Variants in CA5B observed in about 807,000 individuals in gnomAD.
CA5B encodes carbonic anhydrase 5B, also known as carbonic anhydrase 5B, mitochondrial.
CA5B carries 15 observed loss-of-function variants against 23.1 expected under a neutral mutation model. The observed-to-expected ratio is 0.65, with a 90% CI of 0.43 to 1.00. The LOEUF (loss-of-function observed/expected upper bound fraction) is 1.00, where lower values mean the gene tolerates loss of function less well. Among genes scored for constraint, CA5B ranks in the 50% least tolerant of loss-of-function variants. The pLI is 0.00. For missense variants in CA5B, 236 were observed against 252.2 expected, an observed-to-expected ratio of 0.94 and a Z score of 0.43; for synonymous variants, 84 against 98.5, an observed-to-expected ratio of 0.85 and a Z score of 0.87.
chrX:15,777,616 T>C lies in CA5B; in HGVS notation c.774+747T>C, dbSNP rs777109758. On this transcript the variant is annotated intron_variant, in intron 7 of 7. Transcript: ENST00000318636. The stretch of plus-strand genomic sequence containing the variant: ...ATCCAGCAGTACATCAGAAGAAATA[T>C]ACACTTTGTCCAAGTAGCTTTTACT... Among the ~76,000 whole-genome samples, 13 of 112,081 alleles carry C rather than the reference T, an allele frequency of 1.2e-4. No homozygotes were observed. In the South Asian group the frequency reaches 1.8e-3, roughly 16 times the overall value.
intron 3 of CA5B, 38 bp downstream of exon 3, chrX:15,764,813 G>A: frequency 1.1e-6 from 1 of 885,308 alleles, no homozygotes; most frequent in East Asian, 3.4e-5. Flanking sequence ...AGGAGTTAAA[G>A]AAACAGTGTC....
At chrX:15,745,269 G>A (rs779882872) in intron 1 of CA5B, among the ~76,000 whole-genome samples, 3 of 110,970 alleles carry the variant, frequency 2.7e-5, no homozygotes, top group Non-Finnish European at 3.8e-5. Context: ...AATACCGTAC[G>A]ATCCCACTTA....
intron 1 of CA5B, among the ~76,000 whole-genome samples, chrX:15,743,355 T>A (rs1931160560): frequency 8.9e-6 from 1 of 112,441 alleles, no homozygotes; most frequent in Non-Finnish European, 1.9e-5. Context: ...CACTTTTTAC[T>A]AGACATATTC....
intron 2 of CA5B, among the ~76,000 whole-genome samples, chrX:15,754,204 A>G (rs1931445172): frequency 8.9e-6 from 1 of 111,983 alleles, no homozygotes; most frequent in African/African-American, 3.2e-5. Context: ...GGATCCATTC[A>G]GTCCGTTGGG....
chrX:15,763,927 G>A (rs1931652827), intron 2 of CA5B, among the ~76,000 whole-genome samples: 1 of 112,087 alleles, frequency 8.9e-6, no homozygotes, highest in East Asian at 2.8e-4. Context: ...GAGCAGAAGA[G>A]TGTATCCAAG....
At position 15,751,796 on chromosome X, in the gene CA5B, A is replaced by G. The variant is rs189525888; in HGVS notation, c.142+1631A>G. On this transcript the variant is annotated intron_variant, in intron 2 of 7. Transcript: ENST00000318636. ...CCAACCTGTTTGCCCCAAGAATAAT[A>G]TTGTGGTCTTTGCTGCTCTGGGCCT... Among the ~76,000 whole-genome samples, 485 of 110,842 alleles carry G rather than the reference A, an allele frequency of 4.4e-3. 2 individuals carry two copies. Among genetic ancestry groups the G allele is most frequent in the African/African-American group, 0.016 (476 of 30,452 alleles).
Position 15,783,002 on chromosome X carries a change from T to C in CA5B, c.*338T>C. On this transcript the variant is annotated 3_prime_UTR_variant, in exon 8 of 8. Coordinates refer to ENST00000318636, the MANE Select transcript of CA5B (RefSeq NM_007220.4). The stretch of plus-strand genomic sequence containing the variant: ...CAAGCAGTCCTCCTGCCTTAGCCTC[T>C]AGAGTAGCTGGGGCTACAGGTGCTG... 5.3e-6 allele frequency: 1 copy of C among 190,238 alleles called. No individual in the cohort carries two copies. The highest frequency in any genetic ancestry group is 7.0e-5 in the Admixed American group (1 of 14,221). The allele number at this position is 190,238 out of a possible 1,213,427, so 15.7% of individuals were successfully genotyped here.
At chrX:15,742,366 G>GT (rs1206499331) in intron 1 of CA5B, among the ~76,000 whole-genome samples, 2 of 88,684 alleles carry the variant, frequency 2.3e-5, no homozygotes, top group African/African-American at 8.3e-5. Flanking sequence ...ATGTTTTTCT[G>GT]TTTTTTTGGG....
chrX:15,767,176 T>G, intron 3 of CA5B: 778 of 443,308 alleles, frequency 1.8e-3, no homozygotes, highest in Middle Eastern at 2.7e-3. Context: ...TCTAGGGCCC[T>G]AGCAGCCTGC....
intron 2 of CA5B, among the ~76,000 whole-genome samples, chrX:15,754,313 G>C (rs1193312491): frequency 1.8e-5 from 2 of 112,882 alleles, no homozygotes; most frequent in Non-Finnish European, 3.7e-5. Flanking sequence ...TAGTACTACA[G>C]TTGTTATCAT....
At chrX:15,766,389 A>G (rs1373239563) in intron 3 of CA5B, among the ~76,000 whole-genome samples, 1 of 110,726 alleles carries the variant, frequency 9.0e-6, no homozygotes, top group Non-Finnish European at 1.9e-5. Context: ...GAGTCTGTCT[A>G]AGAATTTAGG....
chrX:15,761,727 G>A (rs936889661), intron 2 of CA5B, among the ~76,000 whole-genome samples: 1 of 110,495 alleles, frequency 9.1e-6, no homozygotes, highest in Non-Finnish European at 1.9e-5. Context: ...TTGTCGGGGG[G>A]AGCCCATCCA....
At chrX:15,763,864 G>A (rs760887956) in intron 2 of CA5B, among the ~76,000 whole-genome samples, 7 of 112,169 alleles carry the variant, frequency 6.2e-5, no homozygotes, top group Non-Finnish European at 1.3e-4. Context: ...AGGTGCTGGT[G>A]TAAGTTCTGG....
At chrX:15,746,053 G>C (rs1251396187) in intron 1 of CA5B, among the ~76,000 whole-genome samples, 1 of 1,827 alleles carries the variant, frequency 5.5e-4, no homozygotes, top group Non-Finnish European at 8.8e-4. Context: ...TTTTTGAGAC[G>C]GAGTCTCGCT....
intron 2 of CA5B, among the ~76,000 whole-genome samples, chrX:15,753,629 C>T (rs903643679): frequency 6.2e-5 from 7 of 112,553 alleles, no homozygotes; most frequent in African/African-American, 2.3e-4. Context: ...TGGGGTAAGG[C>T]TGGGTACAGT....
intron 2 of CA5B, among the ~76,000 whole-genome samples, chrX:15,757,620 A>C (rs1490906274): frequency 9.2e-6 from 1 of 109,183 alleles, no homozygotes; most frequent in Non-Finnish European, 1.9e-5. Flanking sequence ...ACGCAGGAAA[A>C]TTGCTTGAAC....
At chrX:15,754,966 A>G (rs1382115134) in intron 2 of CA5B, among the ~76,000 whole-genome samples, 1 of 112,283 alleles carries the variant, frequency 8.9e-6, no homozygotes, top group Non-Finnish European at 1.9e-5. Context: ...AATATACTGG[A>G]CATTTCTATC....
At chrX:15,774,078 C>T (rs1256453875) in intron 4 of CA5B, among the ~76,000 whole-genome samples, 2 of 111,968 alleles carry the variant, frequency 1.8e-5, no homozygotes, top group African/African-American at 6.5e-5. Context: ...ATTTTTCTCC[C>T]CAAATAAATC....
chrX:15,741,604 G>A (rs963085336), intron 1 of CA5B, among the ~76,000 whole-genome samples: 1 of 109,287 alleles, frequency 9.2e-6, no homozygotes, highest in Non-Finnish European at 1.9e-5. Flanking sequence ...TCAGCCTCCC[G>A]AGTACAGGCG....
Sources: allele counts gnomAD v4.1 joint callset (sites outside exome capture counted in the v4.1 genomes callset), GRCh38; gene constraint gnomAD v4.1.1; transcripts MANE v1.5; gene names NCBI Gene and HGNC (gene_info 2026-07-23, HGNC 2026-07-21).